Variants in EHBP1 observed in about 807,000 individuals in gnomAD.
EHBP1 encodes EH domain binding protein 1, also known as EH domain-binding protein 1.
In EHBP1, 55 loss-of-function variants were observed where a neutral mutation model predicts 144.0. That is an observed-to-expected ratio of 0.38 (90% CI 0.31 to 0.48). EHBP1 has a LOEUF of 0.48. EHBP1 is among the 20% of genes least tolerant of loss of function. The pLI is 0.98. For missense variants in EHBP1, 1,200 were observed against 1,364.2 expected (o/e 0.88, Z 1.90); for synonymous variants, 469 against 472.7 (o/e 0.99, Z 0.10).
At chr2:62,690,681 CTT>C (rs2151745670) in intron 1 of EHBP1, among the ~76,000 whole-genome samples, 1 of 152,270 alleles carries the variant, frequency 6.6e-6, no homozygotes, top group South Asian at 2.1e-4. Context: ...GGTTTTTAAA[CTT>C]TGTCTCCTAC....
intron 14 of EHBP1, among the ~76,000 whole-genome samples, chr2:62,957,641 C>CTTTTTGTTTTTTTTTTTTTTT (rs2057769884): frequency 2.3e-5 from 2 of 87,174 alleles, no homozygotes; most frequent in African/African-American, 1.0e-4. Context: ...AAAATAAATG[C>CTTTTTGTTTTTTTTTTTTTTT]TTTTTTTTTT....
At chr2:62,759,440 C>G (rs551118083) in intron 3 of EHBP1, among the ~76,000 whole-genome samples, 63 of 152,240 alleles carry the variant, frequency 4.1e-4, no homozygotes, top group African/African-American at 1.4e-3. Context: ...GAGTCTCGCT[C>G]TGTCATCTAG....
At chr2:62,963,390 C>G (rs904815219) in intron 14 of EHBP1, among the ~76,000 whole-genome samples, 2 of 152,140 alleles carry the variant, frequency 1.3e-5, no homozygotes, top group Admixed American at 6.5e-5. Context: ...ATAAAAGAAG[C>G]ATTTACCATT....
At chr2:62,864,683 T>C in intron 8 of EHBP1, 48 bp from the exon 9 acceptor site, 1 of 1,532,240 alleles carries the variant, frequency 6.5e-7, no homozygotes, top group Admixed American at 2.0e-5. Flanking sequence ...TATTAGAAAA[T>C]ATCATATGGT....
At chr2:62,913,825 C>T (rs561641180) in intron 10 of EHBP1, among the ~76,000 whole-genome samples, 2 of 152,210 alleles carry the variant, frequency 1.3e-5, no homozygotes, top group South Asian at 2.1e-4. Flanking sequence ...TTTTACTTGT[C>T]GTCTAGTAAA....
At chr2:62,686,793 G>A (rs140742371) in intron 1 of EHBP1, among the ~76,000 whole-genome samples, 98 of 152,132 alleles carry the variant, frequency 6.4e-4, no homozygotes, top group African/African-American at 1.6e-3. Context: ...GAATCCTTTC[G>A]GCCAGCTGTA....
chr2:62,993,750 A>ATATATAGCATATATATATAGTATC, intron 17 of EHBP1, 82 bp downstream of exon 17: 1 of 744,400 alleles, frequency 1.3e-6, no homozygotes, highest in Non-Finnish European at 1.8e-6. Context: ...TATATAGTAT[A>ATATATAGCATATATATATAGTATC]TATATATAGC....
At chr2:62,771,974 G>A (rs2041697445) in intron 5 of EHBP1, 1 of 152,276 alleles carries the variant, frequency 6.6e-6, no homozygotes, top group Non-Finnish European at 1.5e-5. Context: ...TGGGCGTCAT[G>A]GCGGGCATCT....
chr2:62,836,148 A>T (rs2047227112), intron 7 of EHBP1, among the ~76,000 whole-genome samples: 1 of 152,154 alleles, frequency 6.6e-6, no homozygotes, highest in African/African-American at 2.4e-5. Flanking sequence ...GAGATCTGAG[A>T]ACCGGCAGAC....
At chr2:62,904,396 C>G (rs1191139680) in intron 10 of EHBP1, among the ~76,000 whole-genome samples, 1 of 152,182 alleles carries the variant, frequency 6.6e-6, no homozygotes, top group Non-Finnish European at 1.5e-5. Context: ...TAACACTCAT[C>G]ATAGTTTACA....
At chr2:62,778,423 A>G (rs1387965838) in intron 5 of EHBP1, among the ~76,000 whole-genome samples, 1 of 152,026 alleles carries the variant, frequency 6.6e-6, no homozygotes, top group Non-Finnish European at 1.5e-5. Flanking sequence ...GCATGCTTGT[A>G]GACCCAACTA....
chr2:62,991,351 C>A (rs2059405999), intron 16 of EHBP1, among the ~76,000 whole-genome samples: 1 of 151,566 alleles, frequency 6.6e-6, no homozygotes, highest in African/African-American at 2.4e-5. Context: ...AGGGAAACTA[C>A]TACTTTAAAC....
At position 62,842,039 on chromosome 2, in the gene EHBP1, G is replaced by A. The variant is rs559168277; in HGVS notation, c.634+10881G>A. ...TGCCCTGTATGTGTCTTCATGTGAA[G>A]GAACAGCAAAGAAAAGGGACAAGGG... On this transcript the variant is annotated intron_variant, in intron 7 of 22. Coordinates refer to ENST00000431489, the MANE Select transcript of EHBP1 (RefSeq NM_001142616.3). 8.5e-5 allele frequency among the ~76,000 whole-genome samples: 13 copies of A among 152,212 alleles called. No homozygotes were observed. In the East Asian group the frequency reaches 2.3e-3, roughly 27 times the overall value.
intron 19 of EHBP1, among the ~76,000 whole-genome samples, chr2:63,031,075 G>A (rs1189823519): frequency 6.6e-6 from 1 of 152,176 alleles, no homozygotes; most frequent in Admixed American, 6.5e-5. Context: ...GAGATTACAG[G>A]CGTGAGCCAC....
rs147537929 is a variant in EHBP1, at chr2:62,763,506, G to C, written c.163-760G>C. ...CCGGCACATAGAAAGTACTCTGTAA[G>C]TGTTAGCTTTTATTATAATTTTCAT... On this transcript the variant is annotated intron_variant, in intron 3 of 22. Transcript: ENST00000431489. 4.3e-4 allele frequency among the ~76,000 whole-genome samples: 66 copies of C among 152,290 alleles called. 1 individual carries two copies. The highest frequency in any genetic ancestry group is 1.4e-3 in the African/African-American group (58 of 41,570).
At chr2:62,744,491 AC>A (rs1352602005) in intron 2 of EHBP1, among the ~76,000 whole-genome samples, 7 of 152,068 alleles carry the variant, frequency 4.6e-5, no homozygotes, top group Non-Finnish European at 8.8e-5. Context: ...GAGAAGAATA[AC>A]CCACAGCAGT....
intron 5 of EHBP1, among the ~76,000 whole-genome samples, chr2:62,812,096 C>G (rs2045060293): frequency 1.3e-5 from 2 of 152,166 alleles, no homozygotes; most frequent in South Asian, 4.1e-4. Context: ...TTCTCTTGCT[C>G]TCATGCTCAC....
chr2:62,712,971 C>T (rs1389942693), intron 2 of EHBP1, among the ~76,000 whole-genome samples: 1 of 152,014 alleles, frequency 6.6e-6, no homozygotes, highest in Admixed American at 6.6e-5. Context: ...AAATAAATAC[C>T]TTTAAAATAA....
chr2:62,988,870 T>G (rs1248672493), intron 15 of EHBP1, among the ~76,000 whole-genome samples: 1 of 152,136 alleles, frequency 6.6e-6, no homozygotes, highest in Non-Finnish European at 1.5e-5. Flanking sequence ...AGAGCAAGCA[T>G]ACTTTTTCCT....
Sources: gnomAD v4.1 joint callset for allele counts (sites outside exome capture counted in the v4.1 genomes callset) on GRCh38, gnomAD v4.1.1 for gene constraint, MANE v1.5 for transcripts, NCBI Gene and HGNC (gene_info 2026-07-23, HGNC 2026-07-21) for gene names.